Variants in ERG observed in about 807,000 individuals in gnomAD.
ERG encodes ETS transcription factor ERG.
ERG carries 9 observed loss-of-function variants against 55.3 expected under a neutral mutation model. The observed-to-expected ratio is 0.16, with a 90% CI of 0.10 to 0.28. The LOEUF is 0.28. Ranked by LOEUF, ERG falls within the 10% of genes least tolerant of loss-of-function variation. The probability of loss-of-function intolerance (pLI) is 1.00; values close to 1 mark genes in which losing one functional copy is unlikely to be tolerated. For missense variants in ERG, 434 were observed against 631.6 expected, an observed-to-expected ratio of 0.69 and a Z score of 3.35; for synonymous variants, 223 against 237.3, an observed-to-expected ratio of 0.94 and a Z score of 0.55.
chr21:38,383,063 G>T lies in ERG; in HGVS notation c.*340C>A. The T allele has an allele frequency of 1.8e-6, 2 of 1,101,988 alleles. No homozygotes were observed. The highest frequency in any genetic ancestry group is 2.2e-6 in the Non-Finnish European group (2 of 904,720). 68.3% of individuals were successfully genotyped at this position (1,101,988 alleles called of 1,614,324 possible). A position where few individuals can be genotyped will look rare whatever the true frequency, so the allele number is the denominator to read the frequency against. On this transcript the variant is annotated 3_prime_UTR_variant, in exon 10 of 10. Coordinates refer to ENST00000288319, the MANE Select transcript of ERG (RefSeq NM_182918.4). This position sits in a 1 kb window ranked among gnomAD's most constrained non-coding sequence, Gnocchi z 5.7. Reference sequence around the variant, plus strand: ...GTTTCATCCCAGTTTGCATTAGTGGGATTCCAAACTCTACTCTAAAGTTTA... The same window carrying T: ...GTTTCATCCCAGTTTGCATTAGTGGTATTCCAAACTCTACTCTAAAGTTTA...
chr21:38,418,528 G>T (rs577580246), intron 3 of ERG, among the ~76,000 whole-genome samples: 1 of 152,200 alleles, frequency 6.6e-6, no homozygotes, highest in African/African-American at 2.4e-5. Flanking sequence ...CTCCCAAAGT[G>T]CTGGGATTAC....
chr21:38,379,890 G>A, downstream of ERG: 1 of 300,906 alleles, frequency 3.3e-6, no homozygotes, highest in Non-Finnish European at 4.9e-6. Context: ...GTAGAGACTG[G>A]GTACTCTCAT....
Position 38,526,919 on chromosome 21 carries a change from G to A in ERG, c.-41+48743C>T, listed in dbSNP as rs183296371. ...ATGTTGAGAATTCTGTCTAAGAAAC[G>A]CTGTAGCAATTAAGAAAAATCCCAG... On this transcript the variant is annotated intron_variant, in intron 2 of 8. Transcript: ENST00000398897. Among the ~76,000 whole-genome samples the A allele has an allele frequency of 1.8e-3, 274 of 152,302 alleles. 3 individuals carry two copies. The highest frequency in any genetic ancestry group is 6.2e-3 in the African/African-American group (259 of 41,570).
At position 38,523,548 on chromosome 21, in the gene ERG, G is replaced by A. The variant is rs182622808; in HGVS notation, c.-41+52114C>T. Among the ~76,000 whole-genome samples, 400 of 152,240 alleles carry A rather than the reference G, an allele frequency of 2.6e-3. 2 individuals carry two copies. The highest frequency in any genetic ancestry group is 4.3e-3 in the Non-Finnish European group (294 of 68,016). On this transcript the variant is annotated intron_variant, in intron 2 of 8. Coordinates refer to the ERG transcript ENST00000398897. ...CAAAAATCTCTTTGGCCAGGAAGCC[G>A]GTGGTCACCCTGATCTACTTCTCTA...
Position 38,382,897 on chromosome 21 carries a change from C to T in ERG, c.*506G>A, listed in dbSNP as rs934862067. On this transcript the variant is annotated 3_prime_UTR_variant, in exon 10 of 10. Coordinates refer to ENST00000288319, the MANE Select transcript of ERG (RefSeq NM_182918.4). ...CACATGCCATGCAGTTGCATATCAA[C>T]GTCTGTTGATGGGCCACAGTCTCTC... 32 of 1,066,352 alleles carry T rather than the reference C, an allele frequency of 3.0e-5. No individual in the cohort carries two copies. The highest frequency in any genetic ancestry group is 3.5e-5 in the Non-Finnish European group (31 of 879,736). The allele number at this position is 1,066,352 out of a possible 1,614,324, so 66.1% of individuals were successfully genotyped here.
intron 4 of ERG, 40 bp downstream of exon 4, chr21:38,403,466 T>C (rs1312494654): frequency 1.3e-6 from 2 of 1,596,992 alleles, no homozygotes; most frequent in Admixed American, 1.7e-5. Flanking sequence ...ATAAGAACCA[T>C]AGCCACAGCC....
chr21:38,610,871 T>C (rs2060222780), intron 1 of ERG, among the ~76,000 whole-genome samples: 1 of 152,132 alleles, frequency 6.6e-6, no homozygotes, highest in Admixed American at 6.5e-5. Flanking sequence ...ACAACAAGAA[T>C]AGGCTTGAGG....
intron 2 of ERG, among the ~76,000 whole-genome samples, chr21:38,534,141 C>A (rs970043): frequency 1.3e-5 from 2 of 152,056 alleles, no homozygotes; most frequent in Non-Finnish European, 2.9e-5. Flanking sequence ...CAAGTATTTC[C>A]GAAGACAGAC....
chr21:38,637,041 C>G (rs1347305838), intron 1 of ERG, among the ~76,000 whole-genome samples: 1 of 152,142 alleles, frequency 6.6e-6, no homozygotes, highest in Non-Finnish European at 1.5e-5. Flanking sequence ...CAGTGGGAGG[C>G]AGGCTTGGAA....
At chr21:38,488,520 T>C (rs2059307703) in intron 1 of ERG, among the ~76,000 whole-genome samples, 1 of 152,224 alleles carries the variant, frequency 6.6e-6, no homozygotes, top group African/African-American at 2.4e-5. Context: ...TTGTTTAGTG[T>C]GTGTGCACTG....
chr21:38,590,459 T>C (rs2060093182), intron 1 of ERG, among the ~76,000 whole-genome samples: 1 of 152,198 alleles, frequency 6.6e-6, no homozygotes, highest in Admixed American at 6.5e-5. Flanking sequence ...AACTCAGAAA[T>C]GTTGAATGAT....
At chr21:38,369,426 GTGTC>G in the ERG span, among the ~76,000 whole-genome samples, 1 of 152,160 alleles carries the variant, frequency 6.6e-6, no homozygotes, top group Non-Finnish European at 1.5e-5. Context: ...CTTCTGAAAA[GTGTC>G]TGTTCATGAC....
chr21:38,392,886 C>A (rs1988041999), intron 6 of ERG, among the ~76,000 whole-genome samples: 1 of 152,168 alleles, frequency 6.6e-6, no homozygotes, highest in African/African-American at 2.4e-5. Flanking sequence ...AAATGACATT[C>A]AGCTTCTTTT....
chr21:38,481,534 A>G (rs1249948123), intron 1 of ERG, among the ~76,000 whole-genome samples: 4 of 152,226 alleles, frequency 2.6e-5, no homozygotes, highest in African/African-American at 9.6e-5. Context: ...AAATTTACAG[A>G]AGGGTTTTCA....
chr21:38,530,829 C>T (rs547493414), intron 2 of ERG, among the ~76,000 whole-genome samples: 16 of 152,240 alleles, frequency 1.1e-4, no homozygotes, highest in African/African-American at 3.4e-4. Context: ...AAAGTCCCGT[C>T]GAGTCACAGG....
chr21:38,456,529 C>T (rs771134859), intron 1 of ERG, among the ~76,000 whole-genome samples: 1 of 152,232 alleles, frequency 6.6e-6, no homozygotes, highest in Admixed American at 6.5e-5. Flanking sequence ...CAGAGGAGCA[C>T]ATGAATAAGT....
chr21:38,545,690 T>C (rs1374743817), intron 2 of ERG, among the ~76,000 whole-genome samples: 1 of 152,200 alleles, frequency 6.6e-6, no homozygotes, highest in Admixed American at 6.5e-5. Context: ...ATAGAGACCA[T>C]CAACATGCCT....
chr21:38,406,142 G>A (rs1376421064), intron 3 of ERG, among the ~76,000 whole-genome samples: 2 of 58,988 alleles, frequency 3.4e-5, no homozygotes, highest in African/African-American at 6.3e-5. Flanking sequence ...GCGACAGAGC[G>A]AGACTCCATC....
intron 1 of ERG, among the ~76,000 whole-genome samples, chr21:38,640,745 G>T (rs1207666297): frequency 6.6e-6 from 1 of 152,030 alleles, no homozygotes; most frequent in African/African-American, 2.4e-5. Context: ...TTTATCAGCG[G>T]TGTGAAAATG....
Sources: allele counts gnomAD v4.1 joint callset (sites outside exome capture counted in the v4.1 genomes callset), GRCh38; gene constraint gnomAD v4.1.1; non-coding constraint Gnocchi (gnomAD v3.1); transcripts MANE v1.5; gene names NCBI Gene and HGNC (gene_info 2026-07-23, HGNC 2026-07-21).